MCTP2: variants seen among roughly 807,000 people sequenced by gnomAD.
MCTP2 encodes the protein multiple C2 and transmembrane domain-containing protein 2.
In MCTP2, 132 loss-of-function variants were observed where a neutral mutation model predicts 111.6. The observed-to-expected ratio is 1.18, with a 90% CI of 1.03 to 1.37. The LOEUF (loss-of-function observed/expected upper bound fraction) is 1.37. MCTP2 is among the 40% of genes most tolerant of loss of function. MCTP2 has a pLI of 0.00. For synonymous variants in MCTP2, 395 were observed against 387.7 expected, an observed-to-expected ratio of 1.02 and a Z score of -0.22; for missense variants, 1,183 against 1,067.9, an observed-to-expected ratio of 1.11 and a Z score of -1.50.
intron 12 of MCTP2, among the ~76,000 whole-genome samples, chr15:94,383,418 C>T (rs2080266481): frequency 6.6e-6 from 1 of 152,200 alleles, no homozygotes; most frequent in African/African-American, 2.4e-5. Flanking sequence ...TGTGTGGCCG[C>T]TGGCTTTCAA....
intron 12 of MCTP2, among the ~76,000 whole-genome samples, chr15:94,380,880 C>T (rs1335130122): frequency 6.6e-6 from 1 of 152,154 alleles, no homozygotes; most frequent in Non-Finnish European, 1.5e-5. Flanking sequence ...TAAGTGAACC[C>T]CCCCCTTACT....
chr15:94,387,114 CCCTTCCTCCTTCCT>C (rs369111644), intron 14 of MCTP2, among the ~76,000 whole-genome samples: 1 of 151,654 alleles, frequency 6.6e-6, no homozygotes, highest in Admixed American at 6.6e-5. Flanking sequence ...TTCCTCTCCT[CCCTTCCTCCTTCCT>C]CCTTCCTCCT....
chr15:94,419,222 G>C (rs920152465), intron 17 of MCTP2, among the ~76,000 whole-genome samples: 19 of 152,234 alleles, frequency 1.2e-4, no homozygotes, highest in African/African-American at 4.1e-4. Flanking sequence ...TTAAGAGCCA[G>C]ACACCAAGTC....
At position 94,470,347 on chromosome 15, in the gene MCTP2, C is replaced by T. The variant is rs570221748; in HGVS notation, c.2375C>T (p.Thr792Met). Reference protein sequence around the residue: ...GERIKNTFNWTVPFLSSLACL... With the variant: ...GERIKNTFNWMVPFLSSLACL... Reference sequence around the variant, plus strand: ...TTTGTCTACAGCACATTTAACTGGACGGTCCCCTTCCTTTCATCTCTGGCC... The same window carrying T: ...TTTGTCTACAGCACATTTAACTGGATGGTCCCCTTCCTTTCATCTCTGGCC... The change falls in exon 21 of 23, where the codon ACG becomes ATG. Residue 792 changes from threonine to methionine, a missense_variant. Coordinates refer to ENST00000357742, the MANE Select transcript of MCTP2 (RefSeq NM_001385001.1). 29 of 1,612,238 alleles carry T rather than the reference C, an allele frequency of 1.8e-5. No homozygotes were observed. The highest frequency in any genetic ancestry group is 1.6e-4 in the Middle Eastern group (1 of 6,078).
In MCTP2 at chr15:94,417,461, T is replaced by A. The variant is rs111521582; in HGVS notation, c.2085+15442T>A. Among the ~76,000 whole-genome samples, 1,205 of 152,206 alleles carry A rather than the reference T, an allele frequency of 7.9e-3. 11 individuals carry two copies. The highest frequency in any genetic ancestry group is 0.028 in the African/African-American group (1,157 of 41,536). ...GAATTTGTAGTTGCTGGGTTTTGAT[T>A]TGAACTTTTATTTTGGTGCACAAAA... On this transcript the variant is annotated intron_variant, in intron 17 of 22. Coordinates refer to ENST00000357742, the MANE Select transcript of MCTP2 (RefSeq NM_001385001.1).
intron 4 of MCTP2, among the ~76,000 whole-genome samples, chr15:94,328,126 C>A (rs1300333356): frequency 8.4e-6 from 1 of 118,930 alleles, no homozygotes. Context: ...GTGTTTATTT[C>A]TTTTCTTTTT....
At chr15:94,346,991 C>T (rs769286734) in intron 8 of MCTP2, among the ~76,000 whole-genome samples, 1 of 151,796 alleles carries the variant, frequency 6.6e-6, no homozygotes, top group Non-Finnish European at 1.5e-5. Context: ...GCGCCCATCC[C>T]GAGTATACAT....
intron 22 of MCTP2, among the ~76,000 whole-genome samples, chr15:94,478,190 A>G (rs1167398569): frequency 6.6e-6 from 1 of 152,238 alleles, no homozygotes; most frequent in African/African-American, 2.4e-5. Context: ...GTGAGTTCAC[A>G]CTGTATCCTT....
chr15:94,371,170 T>C (rs2079464843), intron 12 of MCTP2, among the ~76,000 whole-genome samples: 1 of 150,962 alleles, frequency 6.6e-6, no homozygotes, highest in Non-Finnish European at 1.5e-5. Flanking sequence ...AATGAAGCAA[T>C]AGAAATGACT....
Position 94,246,247 on chromosome 15 carries a change from A to G in MCTP2, c.-66+14583A>G, listed in dbSNP as rs1285495352. Among the ~76,000 whole-genome samples the G allele has an allele frequency of 3.3e-5, 5 of 152,320 alleles. No individual in the cohort carries two copies. In the East Asian group the frequency reaches 5.8e-4, roughly 18 times the overall value. ...TGAAGGACAGGTGGCTTAAAGGTCA[A>G]GTATTTGGAGCTGAGCCAATGGTCC... On this transcript the variant is annotated intron_variant, in intron 1 of 22. Coordinates refer to ENST00000357742, the MANE Select transcript of MCTP2 (RefSeq NM_001385001.1).
At chr15:94,416,563 AT>A (rs2082388929) in intron 17 of MCTP2, among the ~76,000 whole-genome samples, 1 of 152,270 alleles carries the variant, frequency 6.6e-6, no homozygotes, top group East Asian at 1.9e-4. Flanking sequence ...TCATCTGTAT[AT>A]AAAAATTAAA....
In MCTP2 at chr15:94,339,233, G is replaced by T; in HGVS notation, c.638-57G>T. The T allele has an allele frequency of 7.5e-7, 1 of 1,332,592 alleles. No individual in the cohort carries two copies. 82.5% of individuals were successfully genotyped at this position (1,332,592 alleles called of 1,614,324 possible). On this transcript the variant is annotated intron_variant, in intron 4 of 22. Coordinates refer to ENST00000357742, the MANE Select transcript of MCTP2 (RefSeq NM_001385001.1). ...GGGAAAGGATCTTTATTTAATGAAAGTCCCAGGCTTTTACATGTATTTTAA... is the reference window on the plus strand; with the variant it reads ...GGGAAAGGATCTTTATTTAATGAAATTCCCAGGCTTTTACATGTATTTTAA...
intron 17 of MCTP2, chr15:94,402,338 G>T: frequency 6.9e-7 from 1 of 1,439,106 alleles, no homozygotes; most frequent in South Asian, 1.6e-5. Context: ...CTGAAAAATG[G>T]CATCTGAAAA....
intron 22 of MCTP2, 68 bp from the exon 23 acceptor site, chr15:94,478,898 C>A: frequency 7.2e-7 from 1 of 1,382,302 alleles, no homozygotes; most frequent in Non-Finnish European, 1.0e-6. Flanking sequence ...CCTTGGGGAG[C>A]CATTAGCACA....
intron 14 of MCTP2, among the ~76,000 whole-genome samples, chr15:94,394,937 G>C (rs1217496797): frequency 6.6e-6 from 1 of 152,152 alleles, no homozygotes; most frequent in Non-Finnish European, 1.5e-5. Flanking sequence ...TCTCAAAAAG[G>C]AAGAAGTGAG....
rs569409200 is a variant in MCTP2, at chr15:94,243,604, T to C, written c.-66+11940T>C. 5.7e-3 allele frequency among the ~76,000 whole-genome samples: 858 copies of C among 149,828 alleles called. 9 individuals carry two copies. Among genetic ancestry groups the C allele is most frequent in the African/African-American group, 0.02 (805 of 40,744 alleles). On this transcript the variant is annotated intron_variant, in intron 1 of 22. Coordinates refer to ENST00000357742, the MANE Select transcript of MCTP2 (RefSeq NM_001385001.1). ...ATGCGTATATTTGTATATGTATGTA[T>C]ACACGCATATGTGTATATACGCATA...
At chr15:94,326,843 A>G (rs983816626) in intron 4 of MCTP2, among the ~76,000 whole-genome samples, 17 of 54,730 alleles carry the variant, frequency 3.1e-4, no homozygotes, top group Non-Finnish European at 6.1e-4. Context: ...CGGCCTCCCA[A>G]AGTGCTGGGA....
chr15:94,282,501 G>A (rs1481795605), intron 1 of MCTP2, among the ~76,000 whole-genome samples: 1 of 152,176 alleles, frequency 6.6e-6, no homozygotes, highest in Non-Finnish European at 1.5e-5. Flanking sequence ...TGACGAGTGA[G>A]CTTCCTTGCT....
intron 1 of MCTP2, among the ~76,000 whole-genome samples, chr15:94,280,960 T>C (rs1383796987): frequency 1.3e-5 from 2 of 152,132 alleles, no homozygotes; most frequent in Non-Finnish European, 1.5e-5. Flanking sequence ...ATATATTTTT[T>C]AACTTGTTGA....
Sources: allele counts gnomAD v4.1 joint callset (sites outside exome capture counted in the v4.1 genomes callset), GRCh38; gene constraint gnomAD v4.1.1; transcripts MANE v1.5; gene names NCBI Gene and HGNC (gene_info 2026-07-23, HGNC 2026-07-21).